PLXNA4: variants seen among roughly 807,000 people sequenced by gnomAD.
PLXNA4 encodes the protein plexin-A4.
A neutral mutation model predicts 191.8 loss-of-function variants in PLXNA4; 44 were observed. The observed-to-expected ratio is 0.23, with a 90% CI of 0.18 to 0.29. The LOEUF (loss-of-function observed/expected upper bound fraction) is 0.29, where lower values mean the gene tolerates loss of function less well. PLXNA4 is among the 10% of genes least tolerant of loss of function. The pLI, the probability that PLXNA4 is intolerant of heterozygous loss-of-function variation, is 1.00. For synonymous variants in PLXNA4, 1,082 were observed against 1,009.5 expected (o/e 1.07, Z -1.36); for missense variants, 1,800 against 2,488.8 (o/e 0.72, Z 5.89).
At chr7:132,175,274 G>C (rs1796420213) in intron 20 of PLXNA4, among the ~76,000 whole-genome samples, 2 of 152,152 alleles carry the variant, frequency 1.3e-5, no homozygotes, top group Non-Finnish European at 2.9e-5. Context: ...ATGCTGGGGA[G>C]GGGGATGTAG....
chr7:132,254,202 A>G (rs138877422), intron 4 of PLXNA4, among the ~76,000 whole-genome samples: 9 of 152,312 alleles, frequency 5.9e-5, no homozygotes, highest in African/African-American at 2.2e-4. Flanking sequence ...TCTGTATGAT[A>G]GGGACCCTCA....
intron 4 of PLXNA4, among the ~76,000 whole-genome samples, chr7:132,293,175 G>T (rs548176067): frequency 4.6e-5 from 7 of 152,148 alleles, no homozygotes; most frequent in Non-Finnish European, 7.3e-5. Flanking sequence ...CACCCATTCT[G>T]TTAACTTGGA....
chr7:132,619,773 G>A (rs1490227465), intron 2 of PLXNA4, among the ~76,000 whole-genome samples: 1 of 152,212 alleles, frequency 6.6e-6, no homozygotes, highest in Non-Finnish European at 1.5e-5. Context: ...AGAACTACTA[G>A]GTAACAGCAG....
chr7:132,519,410 C>T (rs1381368256), intron 1 of PLXNA4, among the ~76,000 whole-genome samples: 1 of 152,212 alleles, frequency 6.6e-6, no homozygotes, highest in Admixed American at 6.5e-5. Context: ...CAAAGGGAGA[C>T]TTGCTGTCAC....
chr7:132,544,073 C>G (rs1422811234), intron 1 of PLXNA4, among the ~76,000 whole-genome samples: 1 of 152,130 alleles, frequency 6.6e-6, no homozygotes, highest in Non-Finnish European at 1.5e-5. Context: ...TGCCCATTAA[C>G]TGAGAGTGGG....
chr7:132,439,538 T>C (rs1795609244), intron 3 of PLXNA4, among the ~76,000 whole-genome samples: 1 of 152,128 alleles, frequency 6.6e-6, no homozygotes, highest in Non-Finnish European at 1.5e-5. Flanking sequence ...TGTATATCCA[T>C]GCATAGCTAC....
intron 1 of PLXNA4, among the ~76,000 whole-genome samples, chr7:132,541,399 T>C (rs1288526685): frequency 2.0e-5 from 3 of 152,228 alleles, no homozygotes; most frequent in Non-Finnish European, 4.4e-5. Flanking sequence ...AAAACCGCAA[T>C]TATTCTTTCT....
intron 3 of PLXNA4, among the ~76,000 whole-genome samples, chr7:132,374,531 C>T (rs887721316): frequency 1.1e-4 from 16 of 152,136 alleles, no homozygotes; most frequent in African/African-American, 3.9e-4. Context: ...TGGTGGGTAT[C>T]AGAACGCATC....
At position 132,144,491 on chromosome 7, in the gene PLXNA4, G is replaced by C. The variant is rs375164139; in HGVS notation, c.5225+628C>G. Among the ~76,000 whole-genome samples the C allele has an allele frequency of 3.3e-5, 5 of 152,164 alleles. No homozygotes were observed. The East Asian group carries it at 9.6e-4, about 29-fold the overall frequency. On this transcript the variant is annotated intron_variant, in intron 29 of 31. Transcript: ENST00000321063. Reference sequence around the variant, plus strand: ...CTCAAAGGAAGACATAGTGGTTAAGGGCAGGTCTCTTCACCACACAGAGCT... The same window carrying C: ...CTCAAAGGAAGACATAGTGGTTAAGCGCAGGTCTCTTCACCACACAGAGCT...
At chr7:132,356,051 A>G (rs1803692683) in intron 3 of PLXNA4, among the ~76,000 whole-genome samples, 1 of 152,206 alleles carries the variant, frequency 6.6e-6, no homozygotes, top group South Asian at 2.1e-4. Context: ...TTGAACGTGC[A>G]TTAATGGACT....
upstream of PLXNA4, among the ~76,000 whole-genome samples, chr7:132,581,743 C>A (rs952413103): frequency 2.6e-5 from 4 of 152,184 alleles, no homozygotes; most frequent in African/African-American, 9.7e-5. Context: ...CACACACACA[C>A]ACACTGTGGA....
chr7:132,296,766 G>A (rs1207263433), intron 4 of PLXNA4, among the ~76,000 whole-genome samples: 1 of 152,100 alleles, frequency 6.6e-6, no homozygotes, highest in African/African-American at 2.4e-5. Context: ...GGAGTGGGGA[G>A]TGTGGAAGCT....
chr7:132,149,074 T>C (rs577842417), intron 25 of PLXNA4, among the ~76,000 whole-genome samples: 2 of 152,306 alleles, frequency 1.3e-5, no homozygotes, highest in African/African-American at 4.8e-5. Flanking sequence ...ATCAAGGCTG[T>C]AGGCTCAGTC....
chr7:132,492,278 T>C (rs577682719), intron 2 of PLXNA4, among the ~76,000 whole-genome samples: 1 of 152,168 alleles, frequency 6.6e-6, no homozygotes, highest in Admixed American at 6.5e-5. Context: ...GCTCCCAAAA[T>C]TGCATTTCTG....
At chr7:132,298,735 T>A (rs1801198082) in intron 3 of PLXNA4, among the ~76,000 whole-genome samples, 1 of 152,130 alleles carries the variant, frequency 6.6e-6, no homozygotes, top group South Asian at 2.1e-4. Context: ...ACACTAAGGG[T>A]CTCTTTTTTT....
chr7:132,475,708 G>C (rs1797098905), intron 3 of PLXNA4, among the ~76,000 whole-genome samples: 2 of 151,964 alleles, frequency 1.3e-5, no homozygotes, highest in South Asian at 4.2e-4. Context: ...AGCGAGGTCA[G>C]CAAGCAAGAG....
chr7:132,561,921 TC>T (rs1801143852), intron 1 of PLXNA4, among the ~76,000 whole-genome samples: 1 of 141,614 alleles, frequency 7.1e-6, no homozygotes, highest in African/African-American at 2.6e-5. Context: ...CTTATCCTCC[TC>T]CTCATCCTCC....
chr7:132,524,725 G>A (rs1013386869), intron 1 of PLXNA4, among the ~76,000 whole-genome samples: 19 of 151,846 alleles, frequency 1.3e-4, no homozygotes, highest in African/African-American at 4.1e-4. Flanking sequence ...CCATCACCAC[G>A]CCCAGCTAAT....
intron 4 of PLXNA4, among the ~76,000 whole-genome samples, chr7:132,247,317 C>A (rs917470796): frequency 1.3e-5 from 2 of 152,170 alleles, no homozygotes; most frequent in Non-Finnish European, 2.9e-5. Flanking sequence ...GCTAATGCAA[C>A]GATGGCTACA....
Sources: gnomAD v4.1 joint callset for allele counts (sites outside exome capture counted in the v4.1 genomes callset) on GRCh38, gnomAD v4.1.1 for gene constraint, MANE v1.5 for transcripts, NCBI Gene and HGNC (gene_info 2026-07-23, HGNC 2026-07-21) for gene names.